Variants in FNIP1 observed in about 807,000 individuals in gnomAD.
FNIP1 encodes the protein folliculin-interacting protein 1.
Under a neutral mutation model 124.5 loss-of-function variants are expected in FNIP1, and 40 were observed. The ratio of observed to expected loss-of-function variants is 0.32; its 90% CI spans 0.25 to 0.42. The LOEUF is 0.42. Among genes scored for constraint, FNIP1 ranks in the 10% least tolerant of loss-of-function variants. The pLI is 1.00. For synonymous variants in FNIP1, 472 were observed against 470.6 expected, an observed-to-expected ratio of 1.00 and a Z score of -0.04; for missense variants, 1,176 against 1,403.7, an observed-to-expected ratio of 0.84 and a Z score of 2.59.
rs777374832 is a variant in FNIP1, at chr5:131,677,718, G to C, written c.1504C>G (p.Leu502Val). ...GATTACATACCCAGTTGTGCCCAAA[G>C]TGGGTTATATGGATGAGTCTTTGCC... ...MLAKTHPYNP[L>V]WAQLGDLYGA... Residue 502 changes from leucine (L) to valine (V), a missense_variant, in exon 13 of 18, where the codon CTT becomes GTT. Coordinates refer to ENST00000510461, the MANE Select transcript of FNIP1 (RefSeq NM_133372.3). 6.2e-7 allele frequency: 1 copy of C among 1,613,698 alleles called. No individual in the cohort carries two copies. Among genetic ancestry groups the C allele is most frequent in the Non-Finnish European group, 8.5e-7 (1 of 1,179,664 alleles).
intron 1 of FNIP1, among the ~76,000 whole-genome samples, chr5:131,787,581 T>C (rs190572042): frequency 1.5e-3 from 230 of 152,312 alleles, no homozygotes; most frequent in Admixed American, 4.2e-3. Flanking sequence ...CTTAATTTCA[T>C]CACTTAATAG....
intron 3 of FNIP1, among the ~76,000 whole-genome samples, chr5:131,719,718 G>A (rs1769593229): frequency 1.3e-5 from 2 of 152,126 alleles, no homozygotes; most frequent in African/African-American, 2.4e-5. Context: ...GTCACTTCCA[G>A]ATTTTTGCTA....
At chr5:131,795,259 C>T (rs940724276) in intron 1 of FNIP1, among the ~76,000 whole-genome samples, 16 of 152,090 alleles carry the variant, frequency 1.1e-4, no homozygotes, top group Non-Finnish European at 1.3e-4. Context: ...TGCTCTATCT[C>T]GTAAGATTGC....
At position 131,644,734 on chromosome 5, in the gene FNIP1, G is replaced by A. The variant is rs1181655445; in HGVS notation, c.3452C>T (p.Ala1151Val). Residue 1151 changes from alanine to valine, a missense_variant, in exon 18 of 18, where the codon GCT (alanine) becomes GTT (valine). By Grantham distance (64) the Ala-to-Val change is moderately conservative. Coordinates refer to ENST00000510461, the MANE Select transcript of FNIP1 (RefSeq NM_133372.3). ...TGGAGAGTGAGTGCTTGCTACAGCA[G>A]CCAGAAGTGGAAGATCACTGGATTC... is the stretch of plus-strand genomic sequence containing the variant. ...GIESSDLPLL[A>V]AVASTHSPYV... 6 of 1,613,848 alleles carry A rather than the reference G, an allele frequency of 3.7e-6. No individual in the cohort carries two copies. Among genetic ancestry groups the A allele is most frequent in the Non-Finnish European group, 5.1e-6 (6 of 1,179,940 alleles).
In FNIP1 at chr5:131,672,839, T is replaced by C; in HGVS notation, c.1605A>G (p.Leu535=). The change falls in exon 14 of 18, where the codon CTA becomes CTG. Residue 535 remains leucine, a synonymous_variant. Transcript: ENST00000510461. ...TTATAAAATAAGTAAGAAAATAAAG[T>C]AGCCTCTGGACCATGTCTTGTCGTT... ...VGKRQDMVQR[L]LYFLTYFIRC... is the part of the protein sequence containing the mutation. The C allele has an allele frequency of 1.2e-6, 2 of 1,613,006 alleles. No individual in the cohort carries two copies. Among genetic ancestry groups the C allele is most frequent in the Non-Finnish European group, 1.7e-6 (2 of 1,179,618 alleles).
chr5:131,672,206 A>G lies in FNIP1; in HGVS notation c.2238T>C (p.Ala746=), dbSNP rs1402025157. 6.2e-7 allele frequency: 1 copy of G among 1,614,224 alleles called. No homozygotes were observed. The highest frequency in any genetic ancestry group is 8.5e-7 in the Non-Finnish European group (1 of 1,180,034). Residue 746 remains alanine, a synonymous_variant, in exon 14 of 18, where the codon GCT becomes GCC. Transcript: ENST00000510461. Reference sequence around the variant, plus strand: ...TCAGGAAAGTAACCTTTGTCTGGGCAGCCTCACAAGAAAATGAAGCAGGCA... The same window carrying G: ...TCAGGAAAGTAACCTTTGTCTGGGCGGCCTCACAAGAAAATGAAGCAGGCA... ...KIVPASFSCE[A]AQTKVTFLIG...
chr5:131,718,564 T>C (rs529101527), intron 5 of FNIP1, among the ~76,000 whole-genome samples: 7 of 152,366 alleles, frequency 4.6e-5, no homozygotes, highest in African/African-American at 1.4e-4. Flanking sequence ...AATACCCTGG[T>C]GGCTATCATT....
At chr5:131,697,265 G>C (rs1208015952) in intron 11 of FNIP1, among the ~76,000 whole-genome samples, 2 of 152,094 alleles carry the variant, frequency 1.3e-5, no homozygotes, top group African/African-American at 4.8e-5. Flanking sequence ...GTGGTACGTA[G>C]TGTACACAAT....
rs1399396270 is a variant in FNIP1, at chr5:131,671,582, A to G, written c.2862T>C (p.Asp954=). The change falls in exon 14 of 18, where the codon GAT becomes GAC. Residue 954 remains aspartate (D), a synonymous_variant. Transcript: ENST00000510461. ...AATAACTGCTAACTTGTCTAGTCAT[A>G]TCATGACCTGTATCTTCACTTTCAC... ...GDSESEDTGH[D]MTRQVSSYYG... is the part of the protein sequence containing the mutation. 1.4e-5 allele frequency: 23 copies of G among 1,613,710 alleles called. No individual in the cohort carries two copies. The highest frequency in any genetic ancestry group is 1.8e-5 in the Non-Finnish European group (21 of 1,180,012).
intron 16 of FNIP1, among the ~76,000 whole-genome samples, chr5:131,651,086 T>TA (rs558940497): frequency 1.7e-3 from 249 of 144,938 alleles, no homozygotes; most frequent in Admixed American, 3.0e-3. Context: ...CTGGATGGAT[T>TA]AAAAAAAAAA....
chr5:131,796,734 T>A, intron 1 of FNIP1, 96 bp downstream of exon 1: 1 of 1,182,848 alleles, frequency 8.5e-7, no homozygotes, highest in Non-Finnish European at 1.2e-6. Flanking sequence ...GGCGCGGCGC[T>A]TCCGCTCGGG....
chr5:131,790,258 C>T (rs941571978), intron 1 of FNIP1, among the ~76,000 whole-genome samples: 4 of 151,950 alleles, frequency 2.6e-5, no homozygotes, highest in Non-Finnish European at 4.4e-5. Context: ...TTTTTGATAG[C>T]GTGTTTAAGA....
At chr5:131,723,716 A>T (rs552652822) in intron 3 of FNIP1, among the ~76,000 whole-genome samples, 1 of 152,136 alleles carries the variant, frequency 6.6e-6, no homozygotes, top group Admixed American at 6.6e-5. Flanking sequence ...TTTAAAAAAA[A>T]TTATTATTAT....
At chr5:131,644,933 C>T (rs917805238) in intron 17 of FNIP1, among the ~76,000 whole-genome samples, 170 bp from the exon 18 acceptor site, 5 of 152,252 alleles carry the variant, frequency 3.3e-5, no homozygotes, top group South Asian at 2.1e-4. Context: ...ACTACAGATA[C>T]GAGTAACAAC....
At chr5:131,682,007 G>C (rs932339405) in intron 11 of FNIP1, among the ~76,000 whole-genome samples, 1 of 152,066 alleles carries the variant, frequency 6.6e-6, no homozygotes, top group Non-Finnish European at 1.5e-5. Flanking sequence ...AGAAATAATA[G>C]TTAAAAAGAG....
chr5:131,762,164 C>T (rs1771252415), intron 1 of FNIP1, among the ~76,000 whole-genome samples: 1 of 152,094 alleles, frequency 6.6e-6, no homozygotes, highest in Non-Finnish European at 1.5e-5. Flanking sequence ...TAAAAGAAAA[C>T]ATTGGGAGAA....
chr5:131,725,066 G>T (rs1401250420), intron 3 of FNIP1, among the ~76,000 whole-genome samples: 1 of 152,134 alleles, frequency 6.6e-6, no homozygotes, highest in Admixed American at 6.5e-5. Flanking sequence ...CTATGTATCT[G>T]TTTTGGTACC....
intron 2 of FNIP1, among the ~76,000 whole-genome samples, chr5:131,733,658 C>T (rs1233161426): frequency 2.0e-5 from 3 of 152,152 alleles, no homozygotes; most frequent in African/African-American, 7.2e-5. Flanking sequence ...TTAAACCAGC[C>T]TTGCATCCCA....
intron 15 of FNIP1, among the ~76,000 whole-genome samples, chr5:131,659,526 A>G (rs1198703972): frequency 1.3e-5 from 2 of 152,204 alleles, no homozygotes; most frequent in African/African-American, 2.4e-5. Context: ...GTAAAGCTGT[A>G]GCTGTGCTCG....
Sources: gnomAD v4.1 joint callset for allele counts (sites outside exome capture counted in the v4.1 genomes callset) on GRCh38, gnomAD v4.1.1 for gene constraint, MANE v1.5 for transcripts, NCBI Gene and HGNC (gene_info 2026-07-23, HGNC 2026-07-21) for gene names.